SYNPR: variants seen among roughly 807,000 people sequenced by gnomAD.
SYNPR encodes synaptoporin.
In SYNPR, 23 loss-of-function variants were observed where a neutral mutation model predicts 32.9. That is an observed-to-expected ratio of 0.70 (90% CI 0.50 to 0.99). The LOEUF is 0.99. Among genes scored for constraint, SYNPR ranks in the 50% least tolerant of loss-of-function variants. The pLI is 0.00. For missense variants in SYNPR, 318 were observed against 349.3 expected (o/e 0.91, Z 0.71); for synonymous variants, 146 against 135.9 (o/e 1.07, Z -0.52).
At chr3:63,452,410 A>G (rs1700396093) in intron 2 of SYNPR, among the ~76,000 whole-genome samples, 1 of 152,196 alleles carries the variant, frequency 6.6e-6, no homozygotes, top group African/African-American at 2.4e-5. Flanking sequence ...ATGCATATTA[A>G]TTCATTTAAG....
intron 2 of SYNPR, among the ~76,000 whole-genome samples, chr3:63,285,052 C>A (rs2106923232): frequency 6.6e-6 from 1 of 152,312 alleles, no homozygotes; most frequent in East Asian, 1.9e-4. Context: ...TCCAATGTGG[C>A]AAGCACTTGC....
At chr3:63,343,029 G>C (rs1386674685) in intron 2 of SYNPR, among the ~76,000 whole-genome samples, 6 of 152,220 alleles carry the variant, frequency 3.9e-5, no homozygotes, top group Middle Eastern at 3.2e-3. Flanking sequence ...GCTAAGGCCT[G>C]AAGGGATCAA....
intron 2 of SYNPR, among the ~76,000 whole-genome samples, chr3:63,263,182 A>G (rs1435669077): frequency 1.3e-5 from 2 of 152,210 alleles, no homozygotes. Context: ...CTGCATTTTC[A>G]TGAGATGTAT....
chr3:63,368,915 C>G (rs989870149), intron 2 of SYNPR, among the ~76,000 whole-genome samples: 2 of 152,166 alleles, frequency 1.3e-5, no homozygotes, highest in East Asian at 3.9e-4. Flanking sequence ...GAGAAGGACA[C>G]CTTACATGAA....
intron 2 of SYNPR, among the ~76,000 whole-genome samples, chr3:63,344,261 C>T (rs1465721052): frequency 6.6e-6 from 1 of 152,100 alleles, no homozygotes; most frequent in African/African-American, 2.4e-5. Context: ...CACAGTTTTC[C>T]ATTTGACCCA....
chr3:63,405,385 T>C (rs938163150), intron 2 of SYNPR, among the ~76,000 whole-genome samples: 1 of 152,108 alleles, frequency 6.6e-6, no homozygotes, highest in Non-Finnish European at 1.5e-5. Flanking sequence ...TTGTACCAAA[T>C]GCTGAGGTAA....
intron 2 of SYNPR, among the ~76,000 whole-genome samples, chr3:63,401,216 G>A (rs543503188): frequency 2.0e-5 from 3 of 152,236 alleles, no homozygotes; most frequent in Admixed American, 2.0e-4. Context: ...GCGCAGGGGT[G>A]GGTAAGGGAA....
chr3:63,228,027 G>A (rs1285136266), upstream of SYNPR, among the ~76,000 whole-genome samples: 1 of 152,164 alleles, frequency 6.6e-6, no homozygotes, highest in East Asian at 1.9e-4. Context: ...GCAATGAATG[G>A]TCATTGAAGG....
intron 3 of SYNPR, chr3:63,550,178 A>G (rs1702476202): frequency 6.6e-6 from 1 of 151,796 alleles, no homozygotes; most frequent in Admixed American, 6.6e-5. Context: ...AAAATACAAA[A>G]TATATGAATT....
At chr3:63,526,053 G>A (rs1702005916) in intron 3 of SYNPR, among the ~76,000 whole-genome samples, 1 of 152,166 alleles carries the variant, frequency 6.6e-6, no homozygotes, top group Non-Finnish European at 1.5e-5. Flanking sequence ...GACAGAGAGA[G>A]GGGAGGTGCC....
At chr3:63,330,527 C>T (rs1381888070) in intron 2 of SYNPR, among the ~76,000 whole-genome samples, 3 of 151,932 alleles carry the variant, frequency 2.0e-5, no homozygotes, top group Admixed American at 6.6e-5. Flanking sequence ...CTGCTTGAGA[C>T]CGCAGAAAGA....
At chr3:63,386,638 T>TCCTTCCTTCCTTCCTTCC (rs778203043) in intron 2 of SYNPR, among the ~76,000 whole-genome samples, 2 of 152,180 alleles carry the variant, frequency 1.3e-5, no homozygotes, top group African/African-American at 4.8e-5. Context: ...CTTTCTTTAT[T>TCCTTCCTTCCTTCCTTCC]TTCCCTCCTT....
rs71126590 is a variant in SYNPR, at chr3:63,265,241, C to CTT, written n.155-2051_155-2050dup. ...TGGCAATTTGGTTTCTAATGACATT[C>CTT]TTTTTTTTTTTTTTTTTTTTTTTTT... is the stretch of plus-strand genomic sequence containing the variant. On this transcript the variant is annotated intron_variant and non_coding_transcript_variant, in intron 2 of 4. Coordinates refer to the SYNPR transcript ENST00000478456. Among the ~76,000 whole-genome samples, 12 of 102,200 alleles carry CTT rather than the reference C, an allele frequency of 1.2e-4. 2 individuals carry two copies. The highest frequency in any genetic ancestry group is 8.0e-4 in the East Asian group (2 of 2,496). 67.0% of individuals were successfully genotyped at this position (102,200 alleles called of 152,430 possible). A position where few individuals can be genotyped will look rare whatever the true frequency, so the allele number is the denominator to read the frequency against.
chr3:63,256,313 AC>A (rs2086382764), intron 2 of SYNPR, among the ~76,000 whole-genome samples: 1 of 151,986 alleles, frequency 6.6e-6, no homozygotes, highest in African/African-American at 2.4e-5. Flanking sequence ...ACTGGGAGGC[AC>A]CCCCCAGTAG....
At chr3:63,331,752 T>C (rs994351868) in intron 2 of SYNPR, among the ~76,000 whole-genome samples, 2 of 152,174 alleles carry the variant, frequency 1.3e-5, no homozygotes, top group African/African-American at 4.8e-5. Flanking sequence ...TATGAGGAAA[T>C]TGAAACTGAG....
chr3:63,565,523 G>A (rs139105017), intron 4 of SYNPR, among the ~76,000 whole-genome samples: 1 of 152,274 alleles, frequency 6.6e-6, no homozygotes, highest in Non-Finnish European at 1.5e-5. Context: ...TTTTAAAAAG[G>A]CCTTAATCCC....
intron 2 of SYNPR, among the ~76,000 whole-genome samples, chr3:63,380,624 C>T (rs1432414632): frequency 6.6e-6 from 1 of 151,980 alleles, no homozygotes; most frequent in Non-Finnish European, 1.5e-5. Flanking sequence ...GACCAATATC[C>T]CTGATGAACA....
intron 2 of SYNPR, among the ~76,000 whole-genome samples, chr3:63,326,141 T>C (rs1027138750): frequency 6.6e-6 from 1 of 152,064 alleles, no homozygotes; most frequent in Non-Finnish European, 1.5e-5. Context: ...CACATGATCT[T>C]ATTTGATCTT....
intron 2 of SYNPR, among the ~76,000 whole-genome samples, chr3:63,446,967 T>A (rs908742524): frequency 6.6e-6 from 1 of 152,194 alleles, no homozygotes; most frequent in African/African-American, 2.4e-5. Context: ...ATAGTCATTT[T>A]TGTCAGAGGC....
Sources: allele counts gnomAD v4.1 joint callset (sites outside exome capture counted in the v4.1 genomes callset), GRCh38; gene constraint gnomAD v4.1.1; transcripts MANE v1.5; gene names NCBI Gene and HGNC (gene_info 2026-07-23, HGNC 2026-07-21).